ITPR2: variants seen among roughly 807,000 people sequenced by gnomAD.
The protein encoded by ITPR2 is inositol 1,4,5-trisphosphate receptor type 2.
Under a neutral mutation model 317.1 loss-of-function variants are expected in ITPR2, and 207 were observed. The ratio of observed to expected loss-of-function variants is 0.65; its 90% CI spans 0.58 to 0.73. The LOEUF is 0.73. Among genes scored for constraint, ITPR2 ranks in the 30% least tolerant of loss-of-function variants. The probability of loss-of-function intolerance (pLI) is 0.00; values close to 1 mark genes in which losing one functional copy is unlikely to be tolerated. For missense variants in ITPR2, 2,613 were observed against 3,284.0 expected, an observed-to-expected ratio of 0.80 and a Z score of 4.99; for synonymous variants, 1,156 against 1,149.1, an observed-to-expected ratio of 1.01 and a Z score of -0.12.
intron 45 of ITPR2, among the ~76,000 whole-genome samples, chr12:26,453,556 T>A (rs1188830896): frequency 6.6e-6 from 1 of 152,212 alleles, no homozygotes; most frequent in Admixed American, 6.5e-5. Context: ...AGTTTTTGCT[T>A]TCGTTATATA....
chr12:26,689,611 T>C (rs984614597), intron 10 of ITPR2, among the ~76,000 whole-genome samples: 5 of 152,110 alleles, frequency 3.3e-5, no homozygotes, highest in African/African-American at 1.2e-4. Flanking sequence ...AAGACGCAGT[T>C]TTCCCTGAAG....
chr12:26,378,861 T>A (rs985491224), intron 55 of ITPR2, among the ~76,000 whole-genome samples: 1 of 152,212 alleles, frequency 6.6e-6, no homozygotes, highest in African/African-American at 2.4e-5. Flanking sequence ...TCTCTTTTTT[T>A]CCTATTTGAA....
intron 13 of ITPR2, among the ~76,000 whole-genome samples, chr12:26,680,678 A>G (rs1234606178): frequency 6.6e-6 from 1 of 152,224 alleles, no homozygotes; most frequent in East Asian, 1.9e-4. Flanking sequence ...TAGCCACGCC[A>G]TTGCACATAG....
At chr12:26,506,969 T>C (rs1056345231) in intron 37 of ITPR2, among the ~76,000 whole-genome samples, 2 of 152,240 alleles carry the variant, frequency 1.3e-5, no homozygotes, top group African/African-American at 4.8e-5. Context: ...ATAATTCTTT[T>C]ACCTCATTTT....
intron 1 of ITPR2, among the ~76,000 whole-genome samples, chr12:26,823,162 CT>C (rs1000362969): frequency 1.3e-5 from 2 of 152,026 alleles, no homozygotes; most frequent in Non-Finnish European, 2.9e-5. Flanking sequence ...CTTTTGGGCA[CT>C]TGGAAAAAAA....
rs932303531 is a variant in ITPR2 at position 26,709,297 on chromosome 12, A to C, written c.951+1876T>G. 2.0e-5 allele frequency among the ~76,000 whole-genome samples: 3 copies of C among 152,320 alleles called. No individual in the cohort carries two copies. The South Asian group carries it at 6.2e-4, about 32-fold the overall frequency. ...CTTAATACTTAATTTTCCTCCTCCC[A>C]CTAGACCATAAAAAAGATGTTATCT... On this transcript the variant is annotated intron_variant, in intron 9 of 56. Transcript: ENST00000381340.
intron 11 of ITPR2, among the ~76,000 whole-genome samples, chr12:26,686,042 T>C (rs1427077952): frequency 6.6e-6 from 1 of 152,236 alleles, no homozygotes; most frequent in Non-Finnish European, 1.5e-5. Flanking sequence ...TTGTTCACTG[T>C]TGTCTTCCCA....
At position 26,483,548 on chromosome 12, in the gene ITPR2, T is replaced by A. The variant is rs1244870168; in HGVS notation, c.6012+150A>T. On this transcript the variant is annotated intron_variant, in intron 42 of 56. Transcript: ENST00000381340. Reference sequence around the variant, plus strand: ...TTATCTACAAATACAGCATAGTATTTCCTTGTCTATAATTCAGTCTTTGTA... The same window carrying A: ...TTATCTACAAATACAGCATAGTATTACCTTGTCTATAATTCAGTCTTTGTA... The A allele has an allele frequency of 6.5e-6, 4 of 620,034 alleles. No individual in the cohort carries two copies. In the East Asian group the frequency reaches 1.1e-4, roughly 17 times the overall value. The allele number at this position is 620,034 out of a possible 1,614,324, so 38.4% of individuals were successfully genotyped here. A position where few individuals can be genotyped will look rare whatever the true frequency, so the allele number is the denominator to read the frequency against.
In ITPR2 at chr12:26,601,899, GT is replaced by G. The variant is rs576442127; in HGVS notation, c.3678+470del. Among the ~76,000 whole-genome samples the G allele has an allele frequency of 7.3e-4, 111 of 152,290 alleles. 1 individual carries two copies. In the Middle Eastern group the frequency reaches 0.027, roughly 37 times the overall value. On this transcript the variant is annotated intron_variant, in intron 28 of 56. Coordinates refer to ENST00000381340, the MANE Select transcript of ITPR2 (RefSeq NM_002223.4). ...ACGAACACAGCATCACTCCGGTTAT[GT>G]CCCTGCCAAAGATGCCTAACTGTAT...
chr12:26,679,353 T>TTTTTGTTC (rs1425852380), intron 13 of ITPR2, among the ~76,000 whole-genome samples: 1 of 152,198 alleles, frequency 6.6e-6, no homozygotes, highest in Admixed American at 6.5e-5. Context: ...AAACTTGGAT[T>TTTTTGTTC]TTTTGTTCTT....
chr12:26,564,793 T>C (rs892098910), intron 34 of ITPR2, among the ~76,000 whole-genome samples: 1 of 152,232 alleles, frequency 6.6e-6, no homozygotes, highest in Non-Finnish European at 1.5e-5. Flanking sequence ...AGAGAGAGCA[T>C]GGTACTGATG....
rs146593483 is a variant in ITPR2 at position 26,387,255 on chromosome 12, T to A, written c.7857+179A>T. 2.8e-3 allele frequency among the ~76,000 whole-genome samples: 427 copies of A among 152,192 alleles called. 4 individuals are homozygous for A. Among genetic ancestry groups the A allele is most frequent in the African/African-American group, 0.01 (417 of 41,514 alleles). On this transcript the variant is annotated intron_variant, in intron 55 of 56. Coordinates refer to ENST00000381340, the MANE Select transcript of ITPR2 (RefSeq NM_002223.4). ...AAATTTGGTTTGAATAACCAAGGAGTCTACTGGGAACCAATGACTTAGTCA... is the reference window on the plus strand; with the variant it reads ...AAATTTGGTTTGAATAACCAAGGAGACTACTGGGAACCAATGACTTAGTCA...
intron 1 of ITPR2, among the ~76,000 whole-genome samples, chr12:26,791,296 T>C (rs921198958): frequency 1.3e-5 from 2 of 152,060 alleles, no homozygotes; most frequent in African/African-American, 2.4e-5. Flanking sequence ...TTCCAGAATA[T>C]TGTGAGAATG....
chr12:26,476,793 G>A (rs1942426936), intron 44 of ITPR2, 119 bp downstream of exon 44: 2 of 646,736 alleles, frequency 3.1e-6, no homozygotes, highest in South Asian at 2.0e-5. Flanking sequence ...AGGTCATGAT[G>A]TTCCATTTGT....
intron 35 of ITPR2, among the ~76,000 whole-genome samples, chr12:26,559,703 C>T (rs1944762389): frequency 6.6e-6 from 1 of 152,180 alleles, no homozygotes; most frequent in South Asian, 2.1e-4. Flanking sequence ...TCTTCCTTTA[C>T]TCACTAAACT....
Position 26,665,976 on chromosome 12 carries a change from A to C in ITPR2, c.1485T>G (p.Asp495Glu), listed in dbSNP as rs762128484. The change falls in exon 14 of 57, where the codon GAT becomes GAG. Residue 495 changes from aspartate (D) to glutamate (E), a missense_variant. Around this residue, in one of 9 missense-constraint regions of ITPR2, gnomAD observed 515 missense variants for 789.4 expected, o/e 0.65. Coordinates refer to ENST00000381340, the MANE Select transcript of ITPR2 (RefSeq NM_002223.4). ...DVPNNGQEVL[D>E]VVITKPNRER... ...CTCGGTTTGGCTTAGTGATAACCAC[A>C]TCCAGAACTTCTTGTCCATTATTAG... The C allele has an allele frequency of 6.2e-7, 1 of 1,613,828 alleles. No individual in the cohort carries two copies.
chr12:26,763,123 C>T (rs531997339), intron 2 of ITPR2, among the ~76,000 whole-genome samples: 1 of 152,114 alleles, frequency 6.6e-6, no homozygotes, highest in African/African-American at 2.4e-5. Context: ...TAAATGTTCT[C>T]ACTACAATAA....
At chr12:26,616,409 T>A (rs1428007833) in intron 26 of ITPR2, among the ~76,000 whole-genome samples, 1 of 151,942 alleles carries the variant, frequency 6.6e-6, no homozygotes, top group African/African-American at 2.4e-5. Flanking sequence ...AGTGCAGGGA[T>A]TACAGGCATG....
intron 2 of ITPR2, among the ~76,000 whole-genome samples, chr12:26,739,264 A>G (rs1949188381): frequency 6.6e-6 from 1 of 152,202 alleles, no homozygotes; most frequent in Non-Finnish European, 1.5e-5. Context: ...TGAAAAGTTA[A>G]AAGATACTTA....
Sources: allele counts gnomAD v4.1 joint callset (sites outside exome capture counted in the v4.1 genomes callset), GRCh38; gene constraint gnomAD v4.1.1; regional missense constraint gnomAD v4.1.1; transcripts MANE v1.5; gene names NCBI Gene and HGNC (gene_info 2026-07-23, HGNC 2026-07-21).